The following ADAMTS17 variants were observed in gnomAD, a reference collection of about 807,000 sequenced individuals.
ADAMTS17 encodes the protein A disintegrin and metalloproteinase with thrombospondin motifs 17.
In ADAMTS17, 113 loss-of-function variants were observed where a neutral mutation model predicts 141.5. That is an observed-to-expected ratio of 0.80 (90% CI 0.69 to 0.93). The LOEUF (loss-of-function observed/expected upper bound fraction) is 0.93. Among genes scored for constraint, ADAMTS17 ranks in the 40% least tolerant of loss-of-function variants. The pLI, the probability that ADAMTS17 is intolerant of heterozygous loss-of-function variation, is 0.00. For synonymous variants in ADAMTS17, 768 were observed against 630.6 expected (o/e 1.22, Z -3.27); for missense variants, 1,659 against 1,517.9 (o/e 1.09, Z -1.54).
chr15:100,321,011 T>A (rs2045717609), intron 3 of ADAMTS17, among the ~76,000 whole-genome samples: 1 of 152,158 alleles, frequency 6.6e-6, no homozygotes, highest in Non-Finnish European at 1.5e-5. Flanking sequence ...ATCTAAATAA[T>A]TCTAACTGCA....
chr15:100,307,519 G>A (rs1328447534), intron 3 of ADAMTS17, among the ~76,000 whole-genome samples: 2 of 152,212 alleles, frequency 1.3e-5, no homozygotes, highest in Non-Finnish European at 2.9e-5. Flanking sequence ...TACCTGATGG[G>A]CTTTTCACAC....
chr15:100,326,051 A>C (rs968788281), intron 3 of ADAMTS17, among the ~76,000 whole-genome samples: 7 of 152,210 alleles, frequency 4.6e-5, no homozygotes, highest in Admixed American at 2.0e-4. Context: ...TCTTCGCTCC[A>C]CACACAGAAG....
intron 8 of ADAMTS17, among the ~76,000 whole-genome samples, chr15:100,178,147 G>C (rs1045658087): frequency 2.6e-5 from 4 of 152,142 alleles, no homozygotes; most frequent in African/African-American, 9.7e-5. Flanking sequence ...TTTAGCTGAA[G>C]TATTTTTTTA....
intron 8 of ADAMTS17, among the ~76,000 whole-genome samples, chr15:100,195,919 A>G (rs528103006): frequency 1.3e-5 from 2 of 152,356 alleles, no homozygotes; most frequent in African/African-American, 4.8e-5. Flanking sequence ...TAGTAACTAT[A>G]AATTTTTAAA....
At chr15:100,101,265 G>A (rs1365943137) in intron 14 of ADAMTS17, among the ~76,000 whole-genome samples, 6 of 121,974 alleles carry the variant, frequency 4.9e-5, no homozygotes, top group Non-Finnish European at 9.6e-5. Context: ...GTCTCTCTAT[G>A]GCACCATTTT....
chr15:100,341,908 G>A lies in ADAMTS17; in HGVS notation c.-9C>T, dbSNP rs192272127. 1,013 of 1,546,070 alleles carry A rather than the reference G, an allele frequency of 6.6e-4. 17 individuals are homozygous for A. In the East Asian group the frequency reaches 0.022, roughly 34 times the overall value. On this transcript the variant is annotated 5_prime_UTR_variant, in exon 1 of 22. Coordinates refer to ENST00000268070, the MANE Select transcript of ADAMTS17 (RefSeq NM_139057.4). ...AGGGCGCCGTCACACATGGTACCCG[G>A]GACCGGCAGCCCCCCCGGACCGTGG...
At chr15:100,181,833 T>C (rs2040536204) in intron 8 of ADAMTS17, among the ~76,000 whole-genome samples, 1 of 152,228 alleles carries the variant, frequency 6.6e-6, no homozygotes. Flanking sequence ...TAGTGTCTAA[T>C]TAAGTTGCAT....
At position 100,049,024 on chromosome 15, in the gene ADAMTS17, T is replaced by G. The variant is rs779260218; in HGVS notation, c.2456-32A>C. The G allele has an allele frequency of 4.3e-6, 7 of 1,614,100 alleles. No homozygotes were observed. In the Admixed American group the frequency reaches 8.3e-5, roughly 19 times the overall value. On this transcript the variant is annotated intron_variant, in intron 17 of 21. Transcript: ENST00000268070. ...ACCAAACCACAGGGAGCTGAGAGAC[T>G]GTGGCTGCACCCACGTGGAAAGGCT... is the stretch of plus-strand genomic sequence containing the variant.
chr15:100,108,128 G>A (rs560007909), intron 14 of ADAMTS17, among the ~76,000 whole-genome samples: 2 of 152,158 alleles, frequency 1.3e-5, no homozygotes, highest in South Asian at 2.1e-4. Flanking sequence ...CTTGGGCAGG[G>A]TTAATGCAGG....
rs1002832126 is a variant in ADAMTS17 at position 100,272,576 on chromosome 15, GTCTC to G, written c.789+8649_789+8652del. Among the ~76,000 whole-genome samples the G allele has an allele frequency of 1.1e-3, 76 of 70,746 alleles. 4 individuals carry two copies. Among genetic ancestry groups the G allele is most frequent in the African/African-American group, 3.7e-3 (65 of 17,394 alleles). 46.4% of individuals were successfully genotyped at this position (70,746 alleles called of 152,430 possible). ...CAAAGAATTTATTAGCATTCTCTCT[GTCTC>G]TCTCTCTGTGTGTGTAAGATTTAGG... is the stretch of plus-strand genomic sequence containing the variant. On this transcript the variant is annotated intron_variant, in intron 4 of 21. Transcript: ENST00000268070.
At chr15:100,334,084 G>A (rs552076977) in intron 2 of ADAMTS17, among the ~76,000 whole-genome samples, 67 of 152,198 alleles carry the variant, frequency 4.4e-4, no homozygotes, top group Admixed American at 2.2e-3. Flanking sequence ...TCTCTTTGTT[G>A]TGGGTACTTG....
At position 100,171,296 on chromosome 15, in the gene ADAMTS17, T is replaced by C. The variant is rs189335090; in HGVS notation, c.1182-15976A>G. ...TTACCCCCTTCCTTCCTTCCTTCTT[T>C]AAGACCCAAATGCCATGAGGGGCTT... On this transcript the variant is annotated intron_variant, in intron 8 of 21. Coordinates refer to ENST00000268070, the MANE Select transcript of ADAMTS17 (RefSeq NM_139057.4). Among the ~76,000 whole-genome samples, 10 of 152,268 alleles carry C rather than the reference T, an allele frequency of 6.6e-5. No individual in the cohort carries two copies. In the East Asian group the frequency reaches 1.5e-3, roughly 23 times the overall value.
chr15:100,226,705 G>A (rs183463927), intron 7 of ADAMTS17, among the ~76,000 whole-genome samples: 24 of 152,300 alleles, frequency 1.6e-4, no homozygotes, highest in African/African-American at 4.8e-4. Flanking sequence ...GGATGATCTC[G>A]GTTGGCATTT....
intron 7 of ADAMTS17, among the ~76,000 whole-genome samples, chr15:100,234,266 C>T (rs1474136838): frequency 6.6e-6 from 1 of 152,200 alleles, no homozygotes; most frequent in East Asian, 1.9e-4. Context: ...CTAGAAAGAG[C>T]TAATAAAACT....
chr15:100,149,860 T>C (rs2039081316), intron 10 of ADAMTS17, among the ~76,000 whole-genome samples: 1 of 152,180 alleles, frequency 6.6e-6, no homozygotes, highest in African/African-American at 2.4e-5. Flanking sequence ...TTTCTAACAA[T>C]CGTGACATTT....
At chr15:100,049,302 A>C (rs888533385) in intron 17 of ADAMTS17, among the ~76,000 whole-genome samples, 1 of 152,208 alleles carries the variant, frequency 6.6e-6, no homozygotes, top group African/African-American at 2.4e-5. Flanking sequence ...ATTTCCAAAG[A>C]TTGCTCATCT....
chr15:100,197,004 TAA>T (rs2041143263), intron 8 of ADAMTS17, among the ~76,000 whole-genome samples: 1 of 152,250 alleles, frequency 6.6e-6, no homozygotes, highest in Non-Finnish European at 1.5e-5. Context: ...TAGCAAGCTA[TAA>T]AGAGTCCTCC....
chr15:100,164,499 C>T (rs149132212), intron 8 of ADAMTS17, among the ~76,000 whole-genome samples: 9 of 152,162 alleles, frequency 5.9e-5, no homozygotes, highest in South Asian at 4.1e-4. Flanking sequence ...GAATAGGGGT[C>T]AGGGTCACAT....
chr15:100,335,393 G>A (rs2046178445), intron 2 of ADAMTS17, among the ~76,000 whole-genome samples: 1 of 152,128 alleles, frequency 6.6e-6, no homozygotes, highest in African/African-American at 2.4e-5. Context: ...TGACTTTTCA[G>A]TCACTCACTT....
Sources: allele counts gnomAD v4.1 joint callset (sites outside exome capture counted in the v4.1 genomes callset), GRCh38; gene constraint gnomAD v4.1.1; transcripts MANE v1.5; gene names NCBI Gene and HGNC (gene_info 2026-07-23, HGNC 2026-07-21).